The following SPATS2L variants were observed in gnomAD, a reference collection of about 807,000 sequenced individuals.
SPATS2L encodes the protein spermatogenesis associated serine rich 2 like.
A neutral mutation model predicts 59.6 loss-of-function variants in SPATS2L; 30 were observed. The observed-to-expected ratio is 0.50, with a 90% CI of 0.38 to 0.68. The LOEUF (loss-of-function observed/expected upper bound fraction) is 0.68, where lower values mean the gene tolerates loss of function less well. SPATS2L is among the 30% of genes least tolerant of loss of function. The probability of loss-of-function intolerance (pLI) is 0.00; values close to 1 mark genes in which losing one functional copy is unlikely to be tolerated. For synonymous variants in SPATS2L, 252 were observed against 263.5 expected (o/e 0.96, Z 0.42); for missense variants, 615 against 700.0 (o/e 0.88, Z 1.37).
At chr2:200,323,758 G>A (rs535134417) in intron 1 of SPATS2L, among the ~76,000 whole-genome samples, 14 of 152,294 alleles carry the variant, frequency 9.2e-5, no homozygotes, top group African/African-American at 3.4e-4. Context: ...GTTGTTCTAA[G>A]ATAGAAACAA....
At chr2:200,416,801 C>T (rs1300663624) in intron 5 of SPATS2L, among the ~76,000 whole-genome samples, 1 of 152,142 alleles carries the variant, frequency 6.6e-6, no homozygotes, top group Non-Finnish European at 1.5e-5. Context: ...TTGAAAACTT[C>T]TAAATATATT....
At chr2:200,307,632 G>A (rs931371487) in intron 1 of SPATS2L, among the ~76,000 whole-genome samples, 2 of 152,238 alleles carry the variant, frequency 1.3e-5, no homozygotes, top group Admixed American at 1.3e-4. Flanking sequence ...GTTGTCGTAG[G>A]ATGCGCTCGC....
intron 2 of SPATS2L, among the ~76,000 whole-genome samples, chr2:200,329,885 C>A (rs1300649914): frequency 1.3e-5 from 2 of 152,074 alleles, no homozygotes; most frequent in African/African-American, 4.8e-5. Flanking sequence ...TTTCCCTCCT[C>A]ACAGTGATAG....
At chr2:200,326,340 T>A (rs2079741706) in intron 1 of SPATS2L, among the ~76,000 whole-genome samples, 1 of 152,130 alleles carries the variant, frequency 6.6e-6, no homozygotes, top group South Asian at 2.1e-4. Context: ...AAATTCAGAT[T>A]GTTAAAGTAG....
chr2:200,332,930 A>C (rs1000170861), intron 2 of SPATS2L, among the ~76,000 whole-genome samples: 1 of 152,114 alleles, frequency 6.6e-6, no homozygotes, highest in African/African-American at 2.4e-5. Flanking sequence ...CAGCAGTAAA[A>C]AAATGAACTA....
rs372178503 is a variant in SPATS2L at position 200,473,040 on chromosome 2, G to A, written c.1269G>A (p.Pro423=). The A allele has an allele frequency of 1.4e-4, 229 of 1,612,574 alleles. No individual in the cohort carries two copies. The highest frequency in any genetic ancestry group is 3.8e-4 in the Admixed American group (23 of 59,872). Residue 423 remains proline (P), a synonymous_variant, in exon 12 of 13, where the codon CCG becomes CCA. Transcript: ENST00000409140. ...STADPSHQTM[P]ANKQNGSSNQ... Reference sequence around the variant, plus strand: ...CCGACCCCTCTCACCAGACCATGCCGGCCAACAAGCAGGTAAGCCGACACT... The same window carrying A: ...CCGACCCCTCTCACCAGACCATGCCAGCCAACAAGCAGGTAAGCCGACACT...
chr2:200,324,819 A>G (rs572480030), intron 1 of SPATS2L, among the ~76,000 whole-genome samples: 15 of 152,342 alleles, frequency 9.8e-5, no homozygotes, highest in African/African-American at 3.6e-4. Flanking sequence ...CACAATTTCA[A>G]TACAGCAGAA....
intron 2 of SPATS2L, among the ~76,000 whole-genome samples, chr2:200,344,341 T>C (rs1283935442): frequency 6.6e-6 from 1 of 152,214 alleles, no homozygotes; most frequent in African/African-American, 2.4e-5. Context: ...TGTTCCTATG[T>C]TAGTTTGCTA....
At chr2:200,366,655 C>T (rs2081277829) in intron 2 of SPATS2L, among the ~76,000 whole-genome samples, 1 of 152,136 alleles carries the variant, frequency 6.6e-6, no homozygotes, top group African/African-American at 2.4e-5. Context: ...TGCAAACTAA[C>T]ATCCCAGCAA....
At position 200,329,479 on chromosome 2, in the gene SPATS2L, A is replaced by G. The variant is rs571354056; in HGVS notation, c.-24A>G. 18 of 1,550,300 alleles carry G rather than the reference A, an allele frequency of 1.2e-5. No homozygotes were observed. Among genetic ancestry groups the G allele is most frequent in the African/African-American group, 8.2e-5 (6 of 73,148 alleles). On this transcript the variant is annotated splice_region_variant and 5_prime_UTR_variant, in exon 2 of 13. Transcript: ENST00000409140. ...TTCAGGAACATTGCTGTGGATTCCC[A>G]GGTGAGTAGAGATGGTCCTTCCCTC...
chr2:200,386,636 A>G (rs143365141), intron 2 of SPATS2L, among the ~76,000 whole-genome samples: 1 of 152,332 alleles, frequency 6.6e-6, no homozygotes, highest in African/African-American at 2.4e-5. Flanking sequence ...CCCAAATGCA[A>G]AAACAAAACA....
At chr2:200,306,654 G>C (rs1327081621), upstream of SPATS2L, 1 of 988,378 alleles carries the variant, frequency 1.0e-6, no homozygotes, top group Non-Finnish European at 1.2e-6. Context: ...GGCAGCCTGC[G>C]AGGGGCGGGA....
In SPATS2L at chr2:200,396,465, C is replaced by T. The variant is rs777562754; in HGVS notation, c.39+7182C>T. On this transcript the variant is annotated intron_variant, in intron 3 of 12. Coordinates refer to ENST00000409140, the MANE Select transcript of SPATS2L (RefSeq NM_001100423.2). ...TGTGTGTCGTGGTGTCTGTCCCCAA[C>T]GGATGAGCAGATTTTTAATTATTTT... is the stretch of plus-strand genomic sequence containing the variant. 3.9e-5 allele frequency among the ~76,000 whole-genome samples: 6 copies of T among 152,148 alleles called. No homozygotes were observed. The South Asian group carries it at 1.0e-3, about 26-fold the overall frequency.
intron 8 of SPATS2L, among the ~76,000 whole-genome samples, chr2:200,449,087 A>C (rs986181756): frequency 6.6e-6 from 1 of 152,318 alleles, no homozygotes; most frequent in South Asian, 2.1e-4. Flanking sequence ...TATATTTCAA[A>C]TCTTGCCTCA....
intron 8 of SPATS2L, among the ~76,000 whole-genome samples, chr2:200,450,513 A>G (rs979540355): frequency 1.4e-4 from 22 of 152,168 alleles, no homozygotes; most frequent in African/African-American, 5.3e-4. Context: ...TTGTCTTGCC[A>G]TGCCTTCGCT....
At chr2:200,451,603 C>CA (rs1457069038) in intron 8 of SPATS2L, among the ~76,000 whole-genome samples, 5 of 152,078 alleles carry the variant, frequency 3.3e-5, no homozygotes, top group Admixed American at 2.0e-4. Flanking sequence ...CCTTCTAGGC[C>CA]AAAAACAAGA....
chr2:200,432,773 A>G (rs1275316956), intron 6 of SPATS2L, among the ~76,000 whole-genome samples: 1 of 152,232 alleles, frequency 6.6e-6, no homozygotes, highest in Non-Finnish European at 1.5e-5. Flanking sequence ...TATATAATGG[A>G]TGAAGAAAAA....
At position 200,479,938 on chromosome 2, in the gene SPATS2L, T is replaced by C. The variant is rs2087737998; in HGVS notation, c.*1907T>C. 5.1e-6 allele frequency: 2 copies of C among 393,982 alleles called. No individual in the cohort carries two copies. The highest frequency in any genetic ancestry group is 2.1e-5 in the African/African-American group (1 of 48,546). 24.4% of individuals were successfully genotyped at this position (393,982 alleles called of 1,614,324 possible). A position where few individuals can be genotyped will look rare whatever the true frequency, so the allele number is the denominator to read the frequency against. On this transcript the variant is annotated 3_prime_UTR_variant, in exon 13 of 13. Coordinates refer to ENST00000409140, the MANE Select transcript of SPATS2L (RefSeq NM_001100423.2). ...CACATTCCAGGAAGGAAGGAAGAGT[T>C]GTTCGTTCAAATAAGAAAGATAAAT...
At chr2:200,343,404 A>G (rs1439807778) in intron 2 of SPATS2L, among the ~76,000 whole-genome samples, 2 of 152,204 alleles carry the variant, frequency 1.3e-5, no homozygotes, top group East Asian at 1.9e-4. Flanking sequence ...AAGCACATCT[A>G]TCATACTTCA....
Sources: gnomAD v4.1 joint callset for allele counts (sites outside exome capture counted in the v4.1 genomes callset) on GRCh38, gnomAD v4.1.1 for gene constraint, MANE v1.5 for transcripts, NCBI Gene and HGNC (gene_info 2026-07-23, HGNC 2026-07-21) for gene names.